HSPA12A: variants seen among roughly 807,000 people sequenced by gnomAD.
HSPA12A encodes the protein heat shock protein family A (Hsp70) member 12A.
Under a neutral mutation model 69.2 loss-of-function variants are expected in HSPA12A, and 28 were observed. That is an observed-to-expected ratio of 0.40 (90% CI 0.30 to 0.55). HSPA12A has a LOEUF of 0.55. Among genes scored for constraint, HSPA12A ranks in the 20% least tolerant of loss-of-function variants. The pLI is 0.38. For missense variants in HSPA12A, 686 were observed against 900.7 expected, an observed-to-expected ratio of 0.76 and a Z score of 3.05; for synonymous variants, 345 against 370.5, an observed-to-expected ratio of 0.93 and a Z score of 0.79.
intron 7 of HSPA12A, among the ~76,000 whole-genome samples, chr10:116,682,381 C>G (rs185404164): frequency 2.6e-5 from 4 of 151,860 alleles, no homozygotes; most frequent in African/African-American, 9.7e-5. Context: ...TTAAACAATT[C>G]CAAATCAAGG....
At chr10:116,750,270 A>G in intron 2 of HSPA12A, 2 of 817,946 alleles carry the variant, frequency 2.4e-6, no homozygotes, top group East Asian at 2.5e-5. Context: ...GGCCAAGTGG[A>G]GGTGACTGGT....
chr10:116,772,716 A>G (rs904820268), intron 2 of HSPA12A, among the ~76,000 whole-genome samples: 1 of 151,778 alleles, frequency 6.6e-6, no homozygotes, highest in Non-Finnish European at 1.5e-5. Flanking sequence ...ATTTGGAGAC[A>G]GGGTCTCCCT....
At chr10:116,796,693 G>A (rs1315126146) in intron 2 of HSPA12A, among the ~76,000 whole-genome samples, 2 of 152,062 alleles carry the variant, frequency 1.3e-5, no homozygotes, top group African/African-American at 4.8e-5. Flanking sequence ...TGAGCCCCGG[G>A]GCAGAGATTT....
intron 2 of HSPA12A, among the ~76,000 whole-genome samples, chr10:116,822,745 G>A (rs1306603756): frequency 1.3e-5 from 2 of 152,168 alleles, no homozygotes; most frequent in African/African-American, 2.4e-5. Context: ...AAATAAAGAG[G>A]CCATGTTTAT....
At chr10:116,712,709 G>A (rs1022197886) in intron 1 of HSPA12A, among the ~76,000 whole-genome samples, 151 of 151,924 alleles carry the variant, frequency 9.9e-4, no homozygotes, top group Non-Finnish European at 3.7e-4. Flanking sequence ...GCAAATGGCC[G>A]TGAGCAGAAT....
At chr10:116,731,251 C>T (rs1251405230) in intron 1 of HSPA12A, among the ~76,000 whole-genome samples, 1 of 152,232 alleles carries the variant, frequency 6.6e-6, no homozygotes, top group Admixed American at 6.5e-5. Flanking sequence ...TAAACCTTCT[C>T]TGGCCAGAGG....
chr10:116,709,446 CAA>C (rs543929917), intron 1 of HSPA12A, among the ~76,000 whole-genome samples: 10 of 69,340 alleles, frequency 1.4e-4, no homozygotes, highest in Admixed American at 1.5e-4. Context: ...GACTCCATCT[CAA>C]AAAAAAAAAA....
At chr10:116,735,987 C>A (rs1481041682) in intron 1 of HSPA12A, among the ~76,000 whole-genome samples, 9 of 152,146 alleles carry the variant, frequency 5.9e-5, no homozygotes, top group Admixed American at 2.0e-4. Flanking sequence ...CAGAGGAAGA[C>A]CTTGTCTTAA....
chr10:116,725,275 G>A (rs1850917434), intron 1 of HSPA12A, among the ~76,000 whole-genome samples: 1 of 152,178 alleles, frequency 6.6e-6, no homozygotes, highest in Non-Finnish European at 1.5e-5. Flanking sequence ...AGCCTGTGTT[G>A]AGACAGAAAT....
intron 2 of HSPA12A, among the ~76,000 whole-genome samples, chr10:116,834,018 A>C (rs1845666761): frequency 6.6e-6 from 1 of 152,214 alleles, no homozygotes; most frequent in Non-Finnish European, 1.5e-5. Context: ...TGACCTTGAC[A>C]CAAGACAAGA....
intron 2 of HSPA12A, among the ~76,000 whole-genome samples, chr10:116,802,372 G>A (rs1014354248): frequency 2.0e-5 from 3 of 152,060 alleles, no homozygotes; most frequent in Non-Finnish European, 4.4e-5. Flanking sequence ...ATGTATCTGC[G>A]TGCATATGTC....
intron 1 of HSPA12A, among the ~76,000 whole-genome samples, chr10:116,720,843 A>T (rs189373945): frequency 6.6e-6 from 1 of 152,304 alleles, no homozygotes; most frequent in East Asian, 1.9e-4. Context: ...GGCCAATGCT[A>T]AAAGGGGCTC....
chr10:116,787,490 T>C (rs1413110062), intron 2 of HSPA12A, among the ~76,000 whole-genome samples: 1 of 143,014 alleles, frequency 7.0e-6, no homozygotes, highest in African/African-American at 2.6e-5. Flanking sequence ...TGAAGTGATG[T>C]GGGAGGCTTT....
At chr10:116,766,267 G>A (rs1272355279) in intron 2 of HSPA12A, among the ~76,000 whole-genome samples, 1 of 152,114 alleles carries the variant, frequency 6.6e-6, no homozygotes, top group African/African-American at 2.4e-5. Flanking sequence ...AATTCATCCC[G>A]GTTTGTCCAG....
rs377431563 is a variant in HSPA12A at position 116,800,300 on chromosome 10, G to A, written c.91+34635C>T. ...CAACTTACCCCCAGTTCTGAGAGCT[G>A]ATGACCCTCACCCCTGGCTGGCTCC... On this transcript the variant is annotated intron_variant, in intron 2 of 12. Coordinates refer to the HSPA12A transcript ENST00000635765. Among the ~76,000 whole-genome samples, 6 of 152,338 alleles carry A rather than the reference G, an allele frequency of 3.9e-5. No individual in the cohort carries two copies. In the East Asian group the frequency reaches 7.7e-4, roughly 20 times the overall value.
intron 1 of HSPA12A, among the ~76,000 whole-genome samples, chr10:116,737,826 G>A (rs1554886575): frequency 6.6e-6 from 1 of 152,214 alleles, no homozygotes; most frequent in Non-Finnish European, 1.5e-5. Flanking sequence ...GCTGCAGCCT[G>A]GGAGTCATTT....
At chr10:116,742,630 G>C (rs1554887401), upstream of HSPA12A, 1 of 1,025,476 alleles carries the variant, frequency 9.8e-7, no homozygotes, top group African/African-American at 1.7e-5. Context: ...GCTCCTCCCC[G>C]GGCCCCGCCC....
intron 2 of HSPA12A, among the ~76,000 whole-genome samples, chr10:116,780,392 C>G (rs1213023368): frequency 6.6e-6 from 1 of 151,888 alleles, no homozygotes; most frequent in Non-Finnish European, 1.5e-5. Context: ...CTCTCTGTCA[C>G]CCAGGCTGGA....
At chr10:116,761,420 A>C (rs1554889259) in intron 2 of HSPA12A, among the ~76,000 whole-genome samples, 1 of 151,516 alleles carries the variant, frequency 6.6e-6, no homozygotes, top group Non-Finnish European at 1.5e-5. Flanking sequence ...TGGGAGACGG[A>C]GATTGCAGTG....
Sources: gnomAD v4.1 joint callset for allele counts (sites outside exome capture counted in the v4.1 genomes callset) on GRCh38, gnomAD v4.1.1 for gene constraint, MANE v1.5 for transcripts, NCBI Gene and HGNC (gene_info 2026-07-23, HGNC 2026-07-21) for gene names.